Variants in ALK observed in about 807,000 individuals in gnomAD.
The protein encoded by ALK is ALK tyrosine kinase receptor.
Under a neutral mutation model 163.1 loss-of-function variants are expected in ALK, and 74 were observed. The ratio of observed to expected loss-of-function variants is 0.45; its 90% confidence interval spans 0.38 to 0.55. ALK has a LOEUF of 0.55. ALK is among the 20% of genes least tolerant of loss of function. The pLI, the probability that ALK is intolerant of heterozygous loss-of-function variation, is 0.00. For missense variants in ALK, 2,063 were observed against 2,105.3 expected (o/e 0.98, Z 0.39); for synonymous variants, 960 against 843.2 (o/e 1.14, Z -2.40).
At chr2:29,204,882 C>T (rs981970045) in intron 26 of ALK, among the ~76,000 whole-genome samples, 3 of 152,236 alleles carry the variant, frequency 2.0e-5, no homozygotes, top group African/African-American at 7.2e-5. Context: ...AGCTACTGTG[C>T]TTGGCCCCTA....
intron 1 of ALK, among the ~76,000 whole-genome samples, chr2:29,919,442 G>T (rs149151820): frequency 2.0e-5 from 3 of 151,872 alleles, no homozygotes; most frequent in Admixed American, 6.6e-5. Context: ...GGGTGGGAGG[G>T]GGAGAATAAA....
At chr2:29,641,692 G>GA (rs1260538523) in intron 3 of ALK, among the ~76,000 whole-genome samples, 1 of 152,088 alleles carries the variant, frequency 6.6e-6, no homozygotes, top group African/African-American at 2.4e-5. Flanking sequence ...AAAAGAGGCA[G>GA]AAAAAATTGC....
intron 23 of ALK, among the ~76,000 whole-genome samples, chr2:29,218,083 A>G (rs761851447): frequency 6.6e-6 from 1 of 152,176 alleles, no homozygotes; most frequent in Non-Finnish European, 1.5e-5. Flanking sequence ...AGCTGCTGCC[A>G]CAAACACATC....
intron 4 of ALK, among the ~76,000 whole-genome samples, chr2:29,393,368 C>T (rs1669226950): frequency 6.6e-6 from 1 of 152,200 alleles, no homozygotes; most frequent in Non-Finnish European, 1.5e-5. Flanking sequence ...GGAACTAGCA[C>T]CCCTCTCCCC....
At chr2:29,326,621 AG>A (rs1667271714) in intron 6 of ALK, among the ~76,000 whole-genome samples, 1 of 152,254 alleles carries the variant, frequency 6.6e-6, no homozygotes, top group Admixed American at 6.5e-5. Flanking sequence ...GAACAGGGTA[AG>A]CAAAGCCCTT....
chr2:29,862,361 C>T (rs1258249815), intron 1 of ALK, among the ~76,000 whole-genome samples: 1 of 152,112 alleles, frequency 6.6e-6, no homozygotes, highest in Non-Finnish European at 1.5e-5. Context: ...TAAATTGACA[C>T]TGTTGCAGAT....
chr2:29,800,322 C>T (rs1572389192), intron 1 of ALK, among the ~76,000 whole-genome samples: 1 of 152,218 alleles, frequency 6.6e-6, no homozygotes, highest in Non-Finnish European at 1.5e-5. Flanking sequence ...AGCATCTGAG[C>T]ACAGAAACAA....
At chr2:29,498,671 A>T (rs1672093114) in intron 4 of ALK, among the ~76,000 whole-genome samples, 2 of 152,212 alleles carry the variant, frequency 1.3e-5, no homozygotes, top group Non-Finnish European at 2.9e-5. Context: ...TCATTTGCTC[A>T]TTTGTCTGCC....
intron 15 of ALK, among the ~76,000 whole-genome samples, chr2:29,230,547 G>C (rs899599324): frequency 6.6e-6 from 1 of 152,176 alleles, no homozygotes; most frequent in African/African-American, 2.4e-5. Context: ...GGGACCCAGA[G>C]GGACCTGTAG....
intron 2 of ALK, among the ~76,000 whole-genome samples, chr2:29,699,754 G>A (rs1678677937): frequency 6.6e-6 from 1 of 152,142 alleles, no homozygotes; most frequent in South Asian, 2.1e-4. Flanking sequence ...TTGAGAAAAA[G>A]ACACACTTTC....
At chr2:29,226,191 G>A (rs928385103) in intron 18 of ALK, among the ~76,000 whole-genome samples, 1 of 152,114 alleles carries the variant, frequency 6.6e-6, no homozygotes, top group Non-Finnish European at 1.5e-5. Context: ...TAAAGGAGGA[G>A]GATGGGGCCA....
At chr2:29,584,978 G>A (rs1009191508) in intron 3 of ALK, among the ~76,000 whole-genome samples, 19 of 152,242 alleles carry the variant, frequency 1.2e-4, no homozygotes, top group African/African-American at 4.1e-4. Flanking sequence ...GCTTTGCTTC[G>A]TGTGTGCTGC....
intron 4 of ALK, among the ~76,000 whole-genome samples, chr2:29,494,791 C>T (rs1671983850): frequency 6.6e-6 from 1 of 151,746 alleles, no homozygotes; most frequent in African/African-American, 2.4e-5. Flanking sequence ...GACTGACTTC[C>T]TGCCTAGTAA....
intron 4 of ALK, among the ~76,000 whole-genome samples, chr2:29,437,459 AAAAT>A (rs1166274316): frequency 6.6e-6 from 1 of 152,202 alleles, no homozygotes; most frequent in East Asian, 1.9e-4. Flanking sequence ...AGATCTTGAT[AAAAT>A]GAGACAAAGC....
intron 5 of ALK, among the ~76,000 whole-genome samples, chr2:29,377,253 G>T (rs1223410232): frequency 1.3e-5 from 2 of 152,164 alleles, no homozygotes; most frequent in Non-Finnish European, 2.9e-5. Context: ...AGGGTGGGCG[G>T]ATCACGAGGT....
chr2:29,568,300 A>C (rs1674252110), intron 3 of ALK, among the ~76,000 whole-genome samples: 1 of 152,250 alleles, frequency 6.6e-6, no homozygotes, highest in South Asian at 2.1e-4. Flanking sequence ...TAAATAATTC[A>C]ATCTCTCTCA....
At chr2:29,306,961 A>T (rs1430305386) in intron 8 of ALK, among the ~76,000 whole-genome samples, 1 of 152,226 alleles carries the variant, frequency 6.6e-6, no homozygotes, top group African/African-American at 2.4e-5. Context: ...CTCGGAAGGG[A>T]CTGATAGACT....
intron 13 of ALK, among the ~76,000 whole-genome samples, chr2:29,236,406 G>C (rs553410016): frequency 1.3e-5 from 2 of 152,320 alleles, no homozygotes; most frequent in South Asian, 2.1e-4. Context: ...CAGCAGTGGG[G>C]CTTGAGGATG....
chr2:29,264,419 T>G (rs1665162072), intron 11 of ALK, among the ~76,000 whole-genome samples: 1 of 152,228 alleles, frequency 6.6e-6, no homozygotes, highest in Admixed American at 6.5e-5. Context: ...CATGTGTGCT[T>G]GGCCACCACC....
Sources: allele counts gnomAD v4.1 joint callset (sites outside exome capture counted in the v4.1 genomes callset), GRCh38; gene constraint gnomAD v4.1.1; transcripts MANE v1.5; gene names NCBI Gene and HGNC (gene_info 2026-07-23, HGNC 2026-07-21).